HSF5: variants seen among roughly 807,000 people sequenced by gnomAD.
The protein encoded by HSF5 is heat shock transcription factor 5, also known as heat shock factor protein 5.
Under a neutral mutation model 50.8 loss-of-function variants are expected in HSF5, and 5 were observed. That is an observed-to-expected ratio of 0.10 (90% CI 0.05 to 0.21). The LOEUF (loss-of-function observed/expected upper bound fraction) is 0.21. HSF5 is among the 10% of genes least tolerant of loss of function. HSF5 has a pLI of 1.00. For synonymous variants in HSF5, 307 were observed against 307.4 expected (o/e 1.00, Z 0.02); for missense variants, 564 against 762.6 (o/e 0.74, Z 3.07).
chr17:58,480,528 A>G (rs1463561846), intron 1 of HSF5, among the ~76,000 whole-genome samples: 2 of 152,216 alleles, frequency 1.3e-5, no homozygotes, highest in Non-Finnish European at 2.9e-5. Context: ...CAAATGTTAA[A>G]TCAAAAATTC....
intron 5 of HSF5, among the ~76,000 whole-genome samples, chr17:58,454,639 A>T (rs1041174108): frequency 6.6e-6 from 1 of 152,246 alleles, no homozygotes; most frequent in Non-Finnish European, 1.5e-5. Flanking sequence ...GTAAAGTTGC[A>T]GGATACAAAA....
At chr17:58,469,705 A>G (rs2062943117) in intron 2 of HSF5, among the ~76,000 whole-genome samples, 1 of 152,228 alleles carries the variant, frequency 6.6e-6, no homozygotes, top group East Asian at 1.9e-4. Context: ...TTAGTTTATC[A>G]CTATGTCCTA....
chr17:58,483,406 T>G (rs1485949335), intron 1 of HSF5, among the ~76,000 whole-genome samples: 2 of 152,204 alleles, frequency 1.3e-5, no homozygotes, highest in Non-Finnish European at 2.9e-5. Flanking sequence ...TATTCTTCTG[T>G]TAAGGGTTAC....
intron 1 of HSF5, 103 bp from the exon 2 acceptor site, chr17:58,480,370 T>C: frequency 1.8e-6 from 2 of 1,134,440 alleles, no homozygotes; most frequent in Non-Finnish European, 2.5e-6. Flanking sequence ...ATCAGCCATT[T>C]TTAACACAAC....
chr17:58,482,709 C>CAAAAAAAAAAAAAAAAAAAAAAAAAA (rs34783781), intron 1 of HSF5, among the ~76,000 whole-genome samples: 2 of 13,458 alleles, frequency 1.5e-4, no homozygotes, highest in African/African-American at 3.1e-4. Flanking sequence ...GACTCCATCT[C>CAAAAAAAAAAAAAAAAAAAAAAAAAA]AAAAAAAAAA....
chr17:58,458,340 T>A (rs1000508178), intron 5 of HSF5, among the ~76,000 whole-genome samples: 1 of 152,144 alleles, frequency 6.6e-6, no homozygotes, highest in African/African-American at 2.4e-5. Flanking sequence ...CAGGATAATA[T>A]CCTAAATTTC....
chr17:58,433,305 T>A (rs1342276215), intron 5 of HSF5, among the ~76,000 whole-genome samples: 2 of 152,202 alleles, frequency 1.3e-5, no homozygotes, highest in Non-Finnish European at 2.9e-5. Context: ...CCAATACTAT[T>A]TATTTATAAG....
intron 5 of HSF5, among the ~76,000 whole-genome samples, chr17:58,425,710 A>T (rs929209234): frequency 6.6e-6 from 1 of 152,102 alleles, no homozygotes; most frequent in Admixed American, 6.5e-5. Flanking sequence ...TTTACATAAC[A>T]TCTCTTTTTC....
At position 58,488,360 on chromosome 17, in the gene HSF5, CCG is replaced by C. The variant is rs1486277958; in HGVS notation, c.-88_-87del. ...CTCCCCGGCCTTCGCCTCGCCCTGCCCGCTCCTGCCGGCGCCCATCCGCCGCG... is the reference window on the plus strand; with the variant it reads ...CTCCCCGGCCTTCGCCTCGCCCTGCCCTCCTGCCGGCGCCCATCCGCCGCG... On this transcript the variant is annotated 5_prime_UTR_variant, in exon 1 of 6. It removes the in-frame stop codon of an upstream open reading frame in the 5' UTR. Coordinates refer to ENST00000323777, the MANE Select transcript of HSF5 (RefSeq NM_001080439.3). This position sits in a 1 kb window ranked among gnomAD's most constrained non-coding sequence, Gnocchi z 4.1. 2 of 1,342,964 alleles carry C rather than the reference CCG, an allele frequency of 1.5e-6. No homozygotes were observed. The highest frequency in any genetic ancestry group is 1.9e-6 in the Non-Finnish European group (2 of 1,054,804). 83.2% of individuals were successfully genotyped at this position (1,342,964 alleles called of 1,614,324 possible).
At chr17:58,471,699 C>T (rs1974945898) in intron 2 of HSF5, among the ~76,000 whole-genome samples, 1 of 151,850 alleles carries the variant, frequency 6.6e-6, no homozygotes, top group Admixed American at 6.6e-5. Context: ...ATCCTCTTGC[C>T]TCTCAGCCTC....
intron 5 of HSF5, among the ~76,000 whole-genome samples, chr17:58,428,518 G>C (rs1226706924): frequency 1.3e-5 from 2 of 152,056 alleles, no homozygotes; most frequent in African/African-American, 4.8e-5. Flanking sequence ...AATTAGCCAG[G>C]TGTGGTGGCG....
chr17:58,483,631 G>T (rs1181082157), intron 1 of HSF5, among the ~76,000 whole-genome samples: 1 of 152,098 alleles, frequency 6.6e-6, no homozygotes, highest in African/African-American at 2.4e-5. Flanking sequence ...TGAGAGCATG[G>T]TATCCCCAGG....
At position 58,466,902 on chromosome 17, in the gene HSF5, G is replaced by T; in HGVS notation, c.1003C>A (p.His335Asn). ...CVTPTASSYA[H>N]CNYFQNPSMQ... is the part of the protein sequence containing the mutation. ...AATCTTACCTGGAAGTAGTTGCAGT[G>T]TGCATAGGAAGAGGCAGTGGGAGTG... The change falls in exon 3 of 6, where the codon CAC becomes AAC. Residue 335 changes from histidine (H) to asparagine (N), a missense_variant. Transcript: ENST00000323777. 6.2e-7 allele frequency: 1 copy of T among 1,601,254 alleles called. No homozygotes were observed. The highest frequency in any genetic ancestry group is 8.6e-7 in the Non-Finnish European group (1 of 1,168,390).
At chr17:58,443,799 T>C (rs954964384) in intron 5 of HSF5, among the ~76,000 whole-genome samples, 3 of 152,210 alleles carry the variant, frequency 2.0e-5, no homozygotes, top group Non-Finnish European at 4.4e-5. Flanking sequence ...TATCTGCTTA[T>C]TCGAGTGACT....
Position 58,463,059 on chromosome 17 carries a change from G to A in HSF5, c.1265C>T (p.Ser422Phe). The change falls in exon 4 of 6, where the codon TCT (serine) becomes TTT (phenylalanine). Residue 422 changes from serine to phenylalanine, a missense_variant. This residue lies in a region of HSF5 where 441 missense variants were observed against 533.6 expected (regional missense o/e 0.83). Coordinates refer to ENST00000323777, the MANE Select transcript of HSF5 (RefSeq NM_001080439.3). ...LANSNNSNPC[S>F]ASQASQLEPL... ...CTCCAGCTGGCTAGCCTGACTTGCA[G>A]AACATGGATTGCTGTTGTTAGAATT... 6.2e-7 allele frequency: 1 copy of A among 1,613,294 alleles called. No homozygotes were observed. Among genetic ancestry groups the A allele is most frequent in the Non-Finnish European group, 8.5e-7 (1 of 1,179,156 alleles).
chr17:58,485,100 A>G (rs944485161), intron 1 of HSF5, among the ~76,000 whole-genome samples: 24 of 151,564 alleles, frequency 1.6e-4, no homozygotes, highest in African/African-American at 5.6e-4. Flanking sequence ...GACTACAGGC[A>G]CCCGCCACCA....
intron 5 of HSF5, among the ~76,000 whole-genome samples, chr17:58,450,961 C>T (rs1189497341): frequency 6.6e-5 from 9 of 136,904 alleles, no homozygotes; most frequent in African/African-American, 1.4e-4. Flanking sequence ...TGGTGGTGGG[C>T]GCCTGTAATC....
intron 5 of HSF5, among the ~76,000 whole-genome samples, chr17:58,446,662 G>T (rs1240712697): frequency 1.3e-5 from 2 of 152,172 alleles, no homozygotes; most frequent in Non-Finnish European, 2.9e-5. Context: ...TTCCGTGGCA[G>T]GCAGGCCAGA....
chr17:58,488,285 G>A lies in HSF5; in HGVS notation c.-11C>T. ...GAGCAGCGCCTCCATCGCCCCGCCG[G>A]GCCGGGGCCTCGCCCCCCGAGCCTA... On this transcript the variant is annotated 5_prime_UTR_variant, in exon 1 of 6. Coordinates refer to ENST00000323777, the MANE Select transcript of HSF5 (RefSeq NM_001080439.3). This position sits in a 1 kb window ranked among gnomAD's most constrained non-coding sequence, Gnocchi z 4.1. The A allele has an allele frequency of 6.8e-7, 1 of 1,462,722 alleles. No homozygotes were observed. 90.6% of individuals were successfully genotyped at this position (1,462,722 alleles called of 1,614,324 possible).
Sources: gnomAD v4.1 joint callset for allele counts (sites outside exome capture counted in the v4.1 genomes callset) on GRCh38, gnomAD v4.1.1 for gene constraint, gnomAD v4.1.1 regional missense constraint, Gnocchi (gnomAD v3.1) non-coding constraint, MANE v1.5 for transcripts, NCBI Gene and HGNC (gene_info 2026-07-23, HGNC 2026-07-21) for gene names.